PPM1D: variants seen among roughly 807,000 people sequenced by gnomAD.
PPM1D encodes the protein protein phosphatase 1D.
A neutral mutation model predicts 58.3 loss-of-function variants in PPM1D; 52 were observed. That is an observed-to-expected ratio of 0.89 (90% confidence interval 0.71 to 1.12). The LOEUF is 1.12. Among genes scored for constraint, PPM1D ranks in the 50% most tolerant of loss-of-function variants. PPM1D has a pLI of 0.00. For missense variants in PPM1D, 564 were observed against 777.2 expected, an observed-to-expected ratio of 0.73 and a Z score of 3.26; for synonymous variants, 278 against 285.1, an observed-to-expected ratio of 0.98 and a Z score of 0.25.
intron 1 of PPM1D, among the ~76,000 whole-genome samples, chr17:60,616,773 C>T (rs1479758176): frequency 6.6e-6 from 1 of 152,094 alleles, no homozygotes; most frequent in Non-Finnish European, 1.5e-5. Flanking sequence ...ATTTTTAGGT[C>T]ATTGCAAAAT....
intron 2 of PPM1D, among the ~76,000 whole-genome samples, chr17:60,625,243 C>G (rs1490755523): frequency 6.6e-6 from 1 of 152,138 alleles, no homozygotes; most frequent in Non-Finnish European, 1.5e-5. Flanking sequence ...AAATGCAAAA[C>G]AGTAGTAAAC....
intron 1 of PPM1D, among the ~76,000 whole-genome samples, chr17:60,607,186 A>T (rs149875771): frequency 6.6e-6 from 1 of 152,086 alleles, no homozygotes; most frequent in African/African-American, 2.4e-5. Context: ...ATTCATGATC[A>T]TAAGTTTTAG....
intron 1 of PPM1D, among the ~76,000 whole-genome samples, chr17:60,620,521 T>G (rs184255707): frequency 1.4e-4 from 22 of 152,218 alleles, no homozygotes; most frequent in Admixed American, 6.5e-4. Flanking sequence ...TTGCTGTTTT[T>G]TTTGTTTGTT....
chr17:60,645,582 A>ATG (rs1173289727), intron 3 of PPM1D, among the ~76,000 whole-genome samples: 2 of 129,754 alleles, frequency 1.5e-5, no homozygotes, highest in East Asian at 2.1e-4. Flanking sequence ...GTATATATAT[A>ATG]TGTGTGTATA....
In PPM1D at chr17:60,600,251, GGACAAGTCCA is replaced by G; in HGVS notation, c.-159_-150del. On this transcript the variant is annotated 5_prime_UTR_variant, in exon 1 of 6. Transcript: ENST00000305921. Reference sequence around the variant, plus strand: ...TCCGGCGCTCCGGCCCAGCTCTCGCGGACAAGTCCAGACATCGCGCGCCCCCCCTTCTCCG... The same window carrying G: ...TCCGGCGCTCCGGCCCAGCTCTCGCGGACATCGCGCGCCCCCCCTTCTCCG... The G allele has an allele frequency of 7.4e-7, 1 of 1,350,178 alleles. No individual in the cohort carries two copies. Among genetic ancestry groups the G allele is most frequent in the South Asian group, 1.5e-5 (1 of 65,900 alleles). The allele number at this position is 1,350,178 out of a possible 1,614,324, so 83.6% of individuals were successfully genotyped here.
intron 1 of PPM1D, among the ~76,000 whole-genome samples, chr17:60,606,986 A>AT (rs1160029381): frequency 2.4e-3 from 354 of 147,296 alleles, no homozygotes; most frequent in African/African-American, 4.4e-3. Flanking sequence ...CGCCCAGCTA[A>AT]TTTTTTTTTT....
chr17:60,618,324 G>T (rs1161069261), intron 1 of PPM1D, among the ~76,000 whole-genome samples: 2 of 152,124 alleles, frequency 1.3e-5, no homozygotes, highest in Non-Finnish European at 2.9e-5. Flanking sequence ...TACCTAGGAG[G>T]TAGTCAAAGA....
chr17:60,600,352 T>A lies in PPM1D; in HGVS notation c.-63T>A. ...CAATAGTTGGCCGGCGAGCGCCTAGTGTGTCTCCCGCCGCCGGATTCGGCG... is the reference window on the plus strand; with the variant it reads ...CAATAGTTGGCCGGCGAGCGCCTAGAGTGTCTCCCGCCGCCGGATTCGGCG... On this transcript the variant is annotated 5_prime_UTR_variant, in exon 1 of 6. Transcript: ENST00000305921. The A allele has an allele frequency of 6.5e-7, 1 of 1,531,070 alleles. No individual in the cohort carries two copies. Among genetic ancestry groups the A allele is most frequent in the South Asian group, 1.2e-5 (1 of 83,394 alleles). 94.8% of individuals were successfully genotyped at this position (1,531,070 alleles called of 1,614,324 possible).
chr17:60,607,437 C>A (rs1020275926), intron 1 of PPM1D, among the ~76,000 whole-genome samples: 1 of 152,134 alleles, frequency 6.6e-6, no homozygotes, highest in African/African-American at 2.4e-5. Flanking sequence ...CATGTGCCAC[C>A]ACACTCAGCT....
At chr17:60,618,674 A>G (rs1009915322) in intron 1 of PPM1D, among the ~76,000 whole-genome samples, 1 of 151,978 alleles carries the variant, frequency 6.6e-6, no homozygotes, top group African/African-American at 2.4e-5. Context: ...GGAAAATTTT[A>G]TATATTCTGG....
chr17:60,612,003 CCACTGACTACATGTAGT>C (rs1356149916), intron 1 of PPM1D, among the ~76,000 whole-genome samples: 1 of 151,226 alleles, frequency 6.6e-6, no homozygotes, highest in African/African-American at 2.4e-5. Flanking sequence ...ACACATGTAG[CCACTGACTACATGTAGT>C]CAGTGGCTAC....
chr17:60,640,069 A>G (rs145949420), intron 3 of PPM1D, among the ~76,000 whole-genome samples: 377 of 152,296 alleles, frequency 2.5e-3, no homozygotes, highest in African/African-American at 8.3e-3. Flanking sequence ...CCATAATTCT[A>G]ACACTTTGGG....
rs1388664447 is a variant in PPM1D, at chr17:60,623,537, T to A, written c.489T>A (p.Thr163=). ...TTATTACAGCGGAATGGCCAAAGAC[T>A]ATGACGGGTCTTCCTAGCACATCAG... ...MWKKLAEWPK[T]MTGLPSTSGT... is the part of the protein sequence containing the mutation. The change falls in exon 2 of 6, where the codon ACT becomes ACA. Residue 163 remains threonine, a synonymous_variant. Transcript: ENST00000305921. 1.2e-6 allele frequency: 2 copies of A among 1,613,208 alleles called. No individual in the cohort carries two copies. The highest frequency in any genetic ancestry group is 3.3e-5 in the Admixed American group (2 of 59,974).
intron 2 of PPM1D, among the ~76,000 whole-genome samples, chr17:60,633,292 A>G (rs1306280319): frequency 6.6e-6 from 1 of 152,188 alleles, no homozygotes; most frequent in Non-Finnish European, 1.5e-5. Context: ...CTCAAAAACA[A>G]CAACAACAAC....
rs780911862 is a variant in PPM1D at position 60,617,128 on chromosome 17, A to AT, written c.473-6377dup. The stretch of plus-strand genomic sequence containing the variant: ...TAAACCTGGTTAATTAAAAAAAAAA[A>AT]TTTTTTTTTTTTTTTTGTAGAGACA... On this transcript the variant is annotated intron_variant, in intron 1 of 5. Coordinates refer to ENST00000305921, the MANE Select transcript of PPM1D (RefSeq NM_003620.4). Among the ~76,000 whole-genome samples, 1,033 of 140,174 alleles carry AT rather than the reference A, an allele frequency of 7.4e-3. 3 individuals carry two copies. The highest frequency in any genetic ancestry group is 0.019 in the East Asian group (91 of 4,850). 92.0% of individuals were successfully genotyped at this position (140,174 alleles called of 152,430 possible).
At chr17:60,614,194 AC>A (rs2030531209) in intron 1 of PPM1D, among the ~76,000 whole-genome samples, 2 of 152,116 alleles carry the variant, frequency 1.3e-5, no homozygotes, top group African/African-American at 4.8e-5. Context: ...GTTTGTAAAC[AC>A]GCCAGTCAGC....
intron 4 of PPM1D, among the ~76,000 whole-genome samples, chr17:60,650,611 C>T (rs1453893051): frequency 6.6e-6 from 1 of 151,802 alleles, no homozygotes; most frequent in East Asian, 1.9e-4. Flanking sequence ...GAATTGACAG[C>T]TCTTATGTTT....
chr17:60,617,387 AAG>A (rs1188702198), intron 1 of PPM1D, among the ~76,000 whole-genome samples: 3 of 151,924 alleles, frequency 2.0e-5, no homozygotes, highest in Non-Finnish European at 4.4e-5. Context: ...TTTAAAAAGA[AAG>A]AGGATAGCCA....
chr17:60,654,883 G>GA (rs1555648367), intron 4 of PPM1D, among the ~76,000 whole-genome samples: 2 of 149,358 alleles, frequency 1.3e-5, no homozygotes, highest in African/African-American at 4.9e-5. Context: ...AAAAAAAAAA[G>GA]AAAGAAAAGA....
Sources: gnomAD v4.1 joint callset for allele counts (sites outside exome capture counted in the v4.1 genomes callset) on GRCh38, gnomAD v4.1.1 for gene constraint, MANE v1.5 for transcripts, NCBI Gene and HGNC (gene_info 2026-07-23, HGNC 2026-07-21) for gene names.